Variants in CHD7 observed in about 807,000 individuals in gnomAD.
The protein encoded by CHD7 is ATP-dependent chromatin remodeler CHD7.
Under a neutral mutation model 307.3 loss-of-function variants are expected in CHD7, and 24 were observed. The observed-to-expected ratio is 0.08, with a 90% CI of 0.06 to 0.11. The LOEUF is 0.11. Among genes scored for constraint, CHD7 ranks in the 10% least tolerant of loss-of-function variants. CHD7 has a pLI of 1.00. For missense variants in CHD7, 3,106 were observed against 3,727.1 expected (o/e 0.83, Z 4.34); for synonymous variants, 1,363 against 1,349.9 (o/e 1.01, Z -0.21).
At chr8:60,837,963 T>C in intron 18 of CHD7, 113 bp from the exon 19 acceptor site, 4 of 1,252,838 alleles carry the variant, frequency 3.2e-6, no homozygotes, top group Non-Finnish European at 3.2e-6. Flanking sequence ...TGTAACACTT[T>C]CCTTTGTTAT....
At position 60,741,729 on chromosome 8, in the gene CHD7, G is replaced by A. The variant is rs775823361; in HGVS notation, c.297G>A (p.Ala99=). 1.3e-5 allele frequency: 21 copies of A among 1,613,846 alleles called. No individual in the cohort carries two copies. In the Admixed American group the frequency reaches 1.7e-4, roughly 13 times the overall value. The change falls in exon 2 of 38, where the codon GCG becomes GCA. Residue 99 remains alanine, a synonymous_variant. Transcript: ENST00000423902. ...GCAACACCCCTGGGAACGGACTCGC[G>A]TCTCCGCACTCGCAGTATCACACCC... is the stretch of plus-strand genomic sequence containing the variant. ...MMSNTPGNGL[A]SPHSQYHTPP...
At chr8:60,744,478 A>ATTTT (rs569101482) in intron 2 of CHD7, among the ~76,000 whole-genome samples, 2 of 66,672 alleles carry the variant, frequency 3.0e-5, no homozygotes, top group African/African-American at 7.4e-5. Context: ...TCAGAGCAGC[A>ATTTT]TTTTTTTTTT....
At chr8:60,699,661 G>T (rs1315402552) in intron 1 of CHD7, among the ~76,000 whole-genome samples, 1 of 151,944 alleles carries the variant, frequency 6.6e-6, no homozygotes, top group African/African-American at 2.4e-5. Context: ...GGGAGAAGCT[G>T]TAGAAAATTA....
chr8:60,809,478 CACCAA>C (rs1812690756), intron 7 of CHD7: 1 of 151,744 alleles, frequency 6.6e-6, no homozygotes, highest in African/African-American at 2.4e-5. Flanking sequence ...AAATATCAAT[CACCAA>C]AATAATGGCA....
At chr8:60,779,818 T>G (rs987497445) in intron 2 of CHD7, among the ~76,000 whole-genome samples, 8 of 152,314 alleles carry the variant, frequency 5.3e-5, no homozygotes, top group African/African-American at 1.9e-4. Flanking sequence ...GTTCTGTCAC[T>G]TAACATCTGT....
chr8:60,855,334 A>C (rs1805652141), intron 32 of CHD7: 1 of 152,456 alleles, frequency 6.6e-6, no homozygotes, highest in Non-Finnish European at 1.5e-5. Context: ...GATCAGTCAA[A>C]GGTTATAGTA....
intron 1 of CHD7, among the ~76,000 whole-genome samples, chr8:60,710,207 A>G (rs1387746082): frequency 1.3e-5 from 2 of 150,778 alleles, no homozygotes; most frequent in Admixed American, 1.3e-4. Context: ...GTTGATCATA[A>G]TTCTTGTGCA....
At position 60,762,765 on chromosome 8, in the gene CHD7, G is replaced by A. The variant is rs1400702961; in HGVS notation, c.1666-18235G>A. Among the ~76,000 whole-genome samples, 5 of 152,116 alleles carry A rather than the reference G, an allele frequency of 3.3e-5. No individual in the cohort carries two copies. The East Asian group carries it at 7.7e-4, about 23-fold the overall frequency. On this transcript the variant is annotated intron_variant, in intron 2 of 37. Coordinates refer to ENST00000423902, the MANE Select transcript of CHD7 (RefSeq NM_017780.4). ...GTTCCTGTCCCTCATTTTCTCTGTC[G>A]TAGCTTCAGTGTGTGGGCACATACA...
intron 1 of CHD7, among the ~76,000 whole-genome samples, chr8:60,735,862 C>T (rs1173466913): frequency 1.3e-5 from 2 of 152,202 alleles, no homozygotes; most frequent in Non-Finnish European, 2.9e-5. Context: ...GAGTAGGTAG[C>T]CACCAACCAC....
chr8:60,827,555 AATTG>A (rs1250461437), intron 13 of CHD7, among the ~76,000 whole-genome samples: 1 of 152,110 alleles, frequency 6.6e-6, no homozygotes, highest in Non-Finnish European at 1.5e-5. Flanking sequence ...TTTAGAAAAA[AATTG>A]ATTGATTGAT....
rs563904755 is a variant in CHD7 at position 60,779,310 on chromosome 8, A to G, written c.1666-1690A>G. On this transcript the variant is annotated intron_variant, in intron 2 of 37. Coordinates refer to ENST00000423902, the MANE Select transcript of CHD7 (RefSeq NM_017780.4). The stretch of plus-strand genomic sequence containing the variant: ...CTCAGAGTTCTGGGCTCTTTCTCTT[A>G]CACCAGTGCAATTGAGTGAAACCTG... 2.0e-5 allele frequency among the ~76,000 whole-genome samples: 3 copies of G among 152,296 alleles called. No homozygotes were observed. The South Asian group carries it at 6.2e-4, about 32-fold the overall frequency.
chr8:60,807,241 C>G (rs915383425), intron 6 of CHD7, among the ~76,000 whole-genome samples: 2 of 152,122 alleles, frequency 1.3e-5, no homozygotes, highest in Non-Finnish European at 2.9e-5. Flanking sequence ...CGAAGCATTT[C>G]GGAGGTGGCT....
intron 7 of CHD7, chr8:60,809,668 G>GAAAAAAAAAAA (rs36108691): frequency 4.2e-5 from 4 of 96,342 alleles, no homozygotes; most frequent in African/African-American, 8.8e-5. Flanking sequence ...AGGGAGTTTT[G>GAAAAAAAAAAA]AAAAAAAAAA....
chr8:60,780,318 T>C (rs1240775567), intron 2 of CHD7, among the ~76,000 whole-genome samples: 1 of 152,196 alleles, frequency 6.6e-6, no homozygotes. Flanking sequence ...TTTATTTGGG[T>C]TATCTCTCCC....
chr8:60,800,575 G>GGACTGC (rs1456715357), intron 5 of CHD7, 50 bp downstream of exon 5: 1 of 1,555,818 alleles, frequency 6.4e-7, no homozygotes, highest in South Asian at 1.2e-5. Context: ...AGATGGACTA[G>GGACTGC]AAATTTCATT....
chr8:60,737,318 TA>T (rs1467327555), intron 1 of CHD7, among the ~76,000 whole-genome samples: 14 of 152,250 alleles, frequency 9.2e-5, no homozygotes, highest in African/African-American at 3.4e-4. Flanking sequence ...ATTCTCTGAA[TA>T]AAACAGACTT....
At chr8:60,730,626 CG>C (rs1457769658) in intron 1 of CHD7, among the ~76,000 whole-genome samples, 1 of 151,992 alleles carries the variant, frequency 6.6e-6, no homozygotes, top group East Asian at 1.9e-4. Flanking sequence ...TTTGGGAGGC[CG>C]AGGCGGGTGG....
chr8:60,691,167 C>T (rs1806175043), intron 1 of CHD7, among the ~76,000 whole-genome samples: 1 of 152,174 alleles, frequency 6.6e-6, no homozygotes, highest in Admixed American at 6.5e-5. Context: ...CTCAGCTGAT[C>T]CACCTCGGCC....
At position 60,865,061 on chromosome 8, in the gene CHD7, G is replaced by A. The variant is rs1484121127; in HGVS notation, c.8122G>A (p.Val2708Ile). The part of the protein sequence containing the change: ...SMFDRLLTGP[V>I]VRGEGASRRG... ...GTTTGACCGCCTTCTCACTGGGCCT[G>A]TAGTGCGGGGAGAGGGAGCGAGCAG... The change falls in exon 38 of 38, where the codon GTA becomes ATA. Residue 2708 changes from valine to isoleucine, a missense_variant. This residue lies in a region of CHD7 where 351 missense variants were observed against 366.2 expected (regional missense o/e 0.96). Coordinates refer to ENST00000423902, the MANE Select transcript of CHD7 (RefSeq NM_017780.4). This position sits in a 1 kb window ranked among gnomAD's most constrained non-coding sequence, Gnocchi z 4.3. 15 of 1,609,332 alleles carry A rather than the reference G, an allele frequency of 9.3e-6. No individual in the cohort carries two copies. The highest frequency in any genetic ancestry group is 1.3e-5 in the Non-Finnish European group (15 of 1,177,770).
Sources: allele counts gnomAD v4.1 joint callset (sites outside exome capture counted in the v4.1 genomes callset), GRCh38; gene constraint gnomAD v4.1.1; regional missense constraint gnomAD v4.1.1; non-coding constraint Gnocchi (gnomAD v3.1); transcripts MANE v1.5; gene names NCBI Gene and HGNC (gene_info 2026-07-23, HGNC 2026-07-21).